Variants in DLGAP1 observed in about 807,000 individuals in gnomAD.
DLGAP1 encodes disks large-associated protein 1.
In DLGAP1, 11 loss-of-function variants were observed where a neutral mutation model predicts 90.8. That is an observed-to-expected ratio of 0.12 (90% CI 0.08 to 0.20). The LOEUF is 0.20. DLGAP1 is among the 10% of genes least tolerant of loss of function. The probability of loss-of-function intolerance (pLI) is 1.00; values close to 1 mark genes in which losing one functional copy is unlikely to be tolerated. For synonymous variants in DLGAP1, 558 were observed against 540.7 expected, an observed-to-expected ratio of 1.03 and a Z score of -0.44; for missense variants, 1,050 against 1,333.8, an observed-to-expected ratio of 0.79 and a Z score of 3.31.
intron 1 of DLGAP1, among the ~76,000 whole-genome samples, chr18:4,257,970 C>CGTGTGT (rs1568475452): frequency 3.2e-5 from 3 of 95,098 alleles, no homozygotes; most frequent in Non-Finnish European, 4.4e-5. Context: ...AAGAGTTATA[C>CGTGTGT]ATATGTGTGT....
intron 4 of DLGAP1, among the ~76,000 whole-genome samples, chr18:3,828,844 A>G (rs2067879185): frequency 6.6e-6 from 1 of 152,136 alleles, no homozygotes; most frequent in South Asian, 2.1e-4. Context: ...AATCATTAGT[A>G]CTAACAATGT....
chr18:4,026,592 A>T (rs1174174099), intron 2 of DLGAP1, among the ~76,000 whole-genome samples: 1 of 152,220 alleles, frequency 6.6e-6, no homozygotes, highest in Non-Finnish European at 1.5e-5. Flanking sequence ...AGCTCTGAGT[A>T]TAAGCAATCA....
chr18:4,423,851 TAAAAAAA>T (rs36053501), intron 1 of DLGAP1, among the ~76,000 whole-genome samples: 22 of 120,630 alleles, frequency 1.8e-4, no homozygotes, highest in African/African-American at 6.1e-4. Flanking sequence ...CCCAGGAATT[TAAAAAAA>T]AAAAAAAAAA....
intron 5 of DLGAP1, among the ~76,000 whole-genome samples, chr18:3,756,342 C>G (rs1387663964): frequency 6.6e-6 from 1 of 152,006 alleles, no homozygotes; most frequent in Non-Finnish European, 1.5e-5. Context: ...AGCCACCACG[C>G]CTGGCCTACA....
intron 2 of DLGAP1, among the ~76,000 whole-genome samples, chr18:4,091,524 AT>A (rs1218811784): frequency 2.0e-5 from 3 of 152,128 alleles, no homozygotes; most frequent in Non-Finnish European, 4.4e-5. Flanking sequence ...ATCATTTGAT[AT>A]TGTTTAACAG....
chr18:3,801,862 AT>A (rs2066310024), intron 5 of DLGAP1, among the ~76,000 whole-genome samples: 1 of 152,242 alleles, frequency 6.6e-6, no homozygotes, highest in African/African-American at 2.4e-5. Context: ...CCTTCCATAC[AT>A]ATATACTCAT....
chr18:4,168,680 C>T (rs1043895407), intron 1 of DLGAP1, among the ~76,000 whole-genome samples: 1 of 152,158 alleles, frequency 6.6e-6, no homozygotes, highest in Non-Finnish European at 1.5e-5. Context: ...TTATTTCACT[C>T]AGAACAATGT....
At chr18:3,807,267 C>A (rs1568167619) in intron 5 of DLGAP1, among the ~76,000 whole-genome samples, 2 of 152,318 alleles carry the variant, frequency 1.3e-5, no homozygotes, top group African/African-American at 2.4e-5. Context: ...GTTGTCCACA[C>A]CCAGTTGATC....
chr18:3,866,988 A>G (rs950598123), intron 4 of DLGAP1, among the ~76,000 whole-genome samples: 37 of 150,648 alleles, frequency 2.5e-4, no homozygotes, highest in African/African-American at 8.5e-4. Context: ...GGACCTGGGA[A>G]CTACAGGCAC....
rs1205240477 is a variant in DLGAP1 at position 3,879,473 on chromosome 18, G to A, written c.596C>T (p.Pro199Leu). 2 of 1,605,650 alleles carry A rather than the reference G, an allele frequency of 1.2e-6. No homozygotes were observed. Among genetic ancestry groups the A allele is most frequent in the East Asian group, 2.2e-5 (1 of 44,862 alleles). Residue 199 changes from proline to leucine, a missense_variant, in exon 4 of 13, where the codon CCG becomes CTG. Physicochemically the swap from Pro to Leu is moderately conservative, Grantham distance 98 (BLOSUM62 -3). Coordinates refer to ENST00000315677, the MANE Select transcript of DLGAP1 (RefSeq NM_004746.4). The surrounding 1 kb of genome is among the most constrained non-coding windows in gnomAD (Gnocchi z 6.6). ...AEPKARPSTS[P>L]GWWSSDDNLD... Reference sequence around the variant, plus strand: ...GTTGTCGTCCGAGCTCCACCAGCCCGGGGAGGTGCTGGGCCGGGCCTTGGG... The same window carrying A: ...GTTGTCGTCCGAGCTCCACCAGCCCAGGGAGGTGCTGGGCCGGGCCTTGGG...
intron 7 of DLGAP1, among the ~76,000 whole-genome samples, chr18:3,665,259 T>C (rs1362592954): frequency 6.6e-6 from 1 of 152,120 alleles, no homozygotes; most frequent in East Asian, 1.9e-4. Context: ...GATCAGGAGC[T>C]CTTCCCCCTC....
chr18:4,088,138 T>TAAATG (rs1264213265), intron 2 of DLGAP1, among the ~76,000 whole-genome samples: 3 of 152,022 alleles, frequency 2.0e-5, no homozygotes, highest in Non-Finnish European at 4.4e-5. Flanking sequence ...TAAATTAAAT[T>TAAATG]TTAAATATGG....
Position 4,071,624 on chromosome 18 carries a change from T to G in DLGAP1, c.-158-66423A>C, listed in dbSNP as rs796100592. Among the ~76,000 whole-genome samples the G allele has an allele frequency of 1.4e-4, 22 of 152,288 alleles. 1 individual carries two copies. Among genetic ancestry groups the G allele is most frequent in the African/African-American group, 5.3e-4 (22 of 41,568 alleles). ...ACCTCTAATAATAGTCCCATTATATTAGTGCTTACTCTTTCACAATGTACG... is the reference window on the plus strand; with the variant it reads ...ACCTCTAATAATAGTCCCATTATATGAGTGCTTACTCTTTCACAATGTACG... On this transcript the variant is annotated intron_variant, in intron 2 of 12. Transcript: ENST00000315677.
At chr18:3,845,726 A>C (rs1203182003) in intron 4 of DLGAP1, 1 of 474,596 alleles carries the variant, frequency 2.1e-6, no homozygotes, top group African/African-American at 2.1e-5. Flanking sequence ...TTGCTAAAAG[A>C]AGCATGCCTG....
intron 1 of DLGAP1, among the ~76,000 whole-genome samples, chr18:4,403,699 A>G (rs1040828721): frequency 1.3e-5 from 2 of 152,152 alleles, no homozygotes; most frequent in East Asian, 3.8e-4. Flanking sequence ...TTTTTAAATA[A>G]TTATTTAAAA....
At chr18:4,400,357 G>C (rs1451172042) in intron 1 of DLGAP1, among the ~76,000 whole-genome samples, 1 of 152,220 alleles carries the variant, frequency 6.6e-6, no homozygotes, top group African/African-American at 2.4e-5. Flanking sequence ...GTCTCATAAA[G>C]GACAATTCCT....
chr18:3,542,871 T>C (rs1041176668), intron 9 of DLGAP1, among the ~76,000 whole-genome samples: 2 of 152,178 alleles, frequency 1.3e-5, no homozygotes, highest in South Asian at 2.1e-4. Context: ...TTCACACTTA[T>C]CTCTTGTTTC....
intron 1 of DLGAP1, among the ~76,000 whole-genome samples, chr18:4,368,632 CT>C (rs1161168950): frequency 1.2e-5 from 1 of 84,952 alleles, no homozygotes. Flanking sequence ...CTCTCTCTCT[CT>C]CATACACACA....
chr18:4,354,922 A>T (rs1410684367), intron 1 of DLGAP1, among the ~76,000 whole-genome samples: 1 of 116,918 alleles, frequency 8.6e-6, no homozygotes, highest in Non-Finnish European at 1.8e-5. Flanking sequence ...AAAAAAAAAA[A>T]AATCCTCTCT....
Sources: gnomAD v4.1 joint callset for allele counts (sites outside exome capture counted in the v4.1 genomes callset) on GRCh38, gnomAD v4.1.1 for gene constraint, Gnocchi (gnomAD v3.1) non-coding constraint, MANE v1.5 for transcripts, NCBI Gene and HGNC (gene_info 2026-07-23, HGNC 2026-07-21) for gene names.